Variants in CAMTA1 observed in about 807,000 individuals in gnomAD.
CAMTA1 encodes calmodulin binding transcription activator 1.
A neutral mutation model predicts 170.9 loss-of-function variants in CAMTA1; 27 were observed. That is an observed-to-expected ratio of 0.16 (90% CI 0.12 to 0.22). CAMTA1 has a LOEUF of 0.22. CAMTA1 is among the 10% of genes least tolerant of loss of function. The pLI, the probability that CAMTA1 is intolerant of heterozygous loss-of-function variation, is 1.00. For synonymous variants in CAMTA1, 833 were observed against 891.5 expected (o/e 0.93, Z 1.17); for missense variants, 1,619 against 2,217.2 (o/e 0.73, Z 5.42).
At chr1:6,958,424 G>A (rs1689831111) in intron 3 of CAMTA1, among the ~76,000 whole-genome samples, 5 of 151,988 alleles carry the variant, frequency 3.3e-5, no homozygotes, top group South Asian at 4.2e-4. Context: ...CCAGCCTGGC[G>A]GAGAGGCAGC....
At position 7,647,279 on chromosome 1, in the gene CAMTA1, G is replaced by GT. The variant is rs1553233076; in HGVS notation, c.664+6726_664+6727insT. Among the ~76,000 whole-genome samples, 4 of 22,294 alleles carry GT rather than the reference G, an allele frequency of 1.8e-4. No individual in the cohort carries two copies. The East Asian group carries it at 2.5e-3, about 14-fold the overall frequency. The allele number at this position is 22,294 out of a possible 152,430, so 14.6% of individuals were successfully genotyped here. On this transcript the variant is annotated intron_variant, in intron 7 of 22. Coordinates refer to ENST00000303635, the MANE Select transcript of CAMTA1 (RefSeq NM_015215.4). Reference sequence around the variant, plus strand: ...TCAGACAAAGACCAAAGATCCAGAAGGGGGGGGGGCTGTGTTTATTTGTTT... The same window carrying GT: ...TCAGACAAAGACCAAAGATCCAGAAGTGGGGGGGGGCTGTGTTTATTTGTTT...
chr1:7,308,561 C>A (rs1441346313), intron 5 of CAMTA1, among the ~76,000 whole-genome samples: 2 of 151,996 alleles, frequency 1.3e-5, no homozygotes, highest in African/African-American at 2.4e-5. Context: ...ATTGTTTGAT[C>A]AGTTAAAAAT....
intron 11 of CAMTA1, among the ~76,000 whole-genome samples, chr1:7,715,287 T>C (rs923605388): frequency 1.1e-4 from 17 of 152,280 alleles, no homozygotes; most frequent in African/African-American, 4.1e-4. Flanking sequence ...TCAGAAACAG[T>C]GCACAGTGCC....
chr1:7,462,025 A>G (rs999567704), intron 5 of CAMTA1, among the ~76,000 whole-genome samples: 2 of 152,242 alleles, frequency 1.3e-5, no homozygotes, highest in Non-Finnish European at 2.9e-5. Flanking sequence ...AGTGATTTAA[A>G]ATTGGGAATT....
At chr1:6,907,975 A>C (rs1678908783) in intron 3 of CAMTA1, among the ~76,000 whole-genome samples, 2 of 152,112 alleles carry the variant, frequency 1.3e-5, no homozygotes, top group South Asian at 4.1e-4. Context: ...CTCCCTCGCC[A>C]GCCTCGTGGC....
chr1:7,485,646 C>T (rs577336920), intron 6 of CAMTA1, among the ~76,000 whole-genome samples: 1 of 152,214 alleles, frequency 6.6e-6, no homozygotes, highest in South Asian at 2.1e-4. Context: ...GAGCCCCTCC[C>T]ACTGAGTCAC....
Position 7,499,318 on chromosome 1 carries a change from G to GTA in CAMTA1, c.510+31417_510+31418insTA, listed in dbSNP as rs202191742. ...CGTGTGTATGTATATGAGTGTGTGT[G>GTA]CATGTGTGTACATGTGTGTAGAGAG... On this transcript the variant is annotated intron_variant, in intron 6 of 22. Coordinates refer to ENST00000303635, the MANE Select transcript of CAMTA1 (RefSeq NM_015215.4). 5.0e-5 allele frequency among the ~76,000 whole-genome samples: 7 copies of GTA among 140,872 alleles called. 2 individuals are homozygous for GTA. Among genetic ancestry groups the GTA allele is most frequent in the Non-Finnish European group, 1.1e-4 (7 of 65,302 alleles). The allele number at this position is 140,872 out of a possible 152,430, so 92.4% of individuals were successfully genotyped here.
chr1:6,987,983 C>G (rs1317016), intron 3 of CAMTA1, among the ~76,000 whole-genome samples: 18,932 of 152,168 alleles, frequency 0.12, 1,281 homozygotes, highest in East Asian at 0.2. Context: ...GACTCCAGCA[C>G]CAGACCAGCA....
In CAMTA1 at chr1:7,224,656, G is replaced by T. The variant is rs1024064399; in HGVS notation, c.303-24835G>T. Among the ~76,000 whole-genome samples the T allele has an allele frequency of 1.3e-5, 2 of 151,976 alleles. No individual in the cohort carries two copies. Among genetic ancestry groups the T allele is most frequent in the African/African-American group, 4.8e-5 (2 of 41,380 alleles). On this transcript the variant is annotated intron_variant, in intron 4 of 22. Transcript: ENST00000303635. This position sits in a 1 kb window ranked among gnomAD's most constrained non-coding sequence, Gnocchi z 5.2. Reference sequence around the variant, plus strand: ...CCCAGGTTGGAGGCGTGACACCCGCGCCTCTCCGCTGGTGTCATTGATTGC... The same window carrying T: ...CCCAGGTTGGAGGCGTGACACCCGCTCCTCTCCGCTGGTGTCATTGATTGC...
chr1:7,703,511 C>T (rs963222493), intron 11 of CAMTA1, among the ~76,000 whole-genome samples: 2 of 152,094 alleles, frequency 1.3e-5, no homozygotes, highest in Admixed American at 6.5e-5. Context: ...TTCACGCGGC[C>T]TCTAACCAGC....
At chr1:7,442,028 C>T (rs1048303582) in intron 5 of CAMTA1, among the ~76,000 whole-genome samples, 3 of 152,090 alleles carry the variant, frequency 2.0e-5, no homozygotes, top group African/African-American at 7.2e-5. Context: ...CTTCTGGGGG[C>T]CCCAGGACTT....
chr1:6,868,357 G>A (rs1227930433), intron 3 of CAMTA1, among the ~76,000 whole-genome samples: 1 of 145,290 alleles, frequency 6.9e-6, no homozygotes, highest in African/African-American at 2.6e-5. Context: ...AACAAAAAAC[G>A]ACTGTATAGG....
chr1:7,736,881 CT>C lies in CAMTA1; in HGVS notation c.3264-46del. The C allele has an allele frequency of 7.1e-7, 1 of 1,417,242 alleles. No individual in the cohort carries two copies. Among genetic ancestry groups the C allele is most frequent in the Non-Finnish European group, 9.9e-7 (1 of 1,011,264 alleles). 87.8% of individuals were successfully genotyped at this position (1,417,242 alleles called of 1,614,324 possible). ...GGGTTTTATAATATTCTGGTGTTTCCTTTTAACGGTGGTGAATAGTGTGGTA... is the reference window on the plus strand; with the variant it reads ...GGGTTTTATAATATTCTGGTGTTTCCTTTAACGGTGGTGAATAGTGTGGTA... On this transcript the variant is annotated intron_variant, in intron 13 of 22. Coordinates refer to ENST00000303635, the MANE Select transcript of CAMTA1 (RefSeq NM_015215.4). This position sits in a 1 kb window ranked among gnomAD's most constrained non-coding sequence, Gnocchi z 4.5.
chr1:7,199,228 C>T (rs1334040112), intron 4 of CAMTA1, among the ~76,000 whole-genome samples: 2 of 152,238 alleles, frequency 1.3e-5, no homozygotes, highest in African/African-American at 2.4e-5. Context: ...CACGCCTCCA[C>T]CCGCTGGGCA....
rs1297325165 is a variant in CAMTA1 at position 7,113,511 on chromosome 1, G to A, written c.302+22140G>A. Among the ~76,000 whole-genome samples, 1 of 152,208 alleles carries A rather than the reference G, an allele frequency of 6.6e-6. No individual in the cohort carries two copies. The highest frequency in any genetic ancestry group is 1.5e-5 in the Non-Finnish European group (1 of 68,046). ...TCTAGGAATGGAGAGGGAGGAAGGA[G>A]GGTCTCGGGCAAGACCTCCCCCAAC... On this transcript the variant is annotated intron_variant, in intron 4 of 22. Transcript: ENST00000303635. The surrounding 1 kb of genome is among the most constrained non-coding windows in gnomAD (Gnocchi z 4.5).
chr1:7,128,980 C>T lies in CAMTA1; in HGVS notation c.302+37609C>T, dbSNP rs1645094324. The stretch of plus-strand genomic sequence containing the variant: ...TCAGCCTCCCGAGTAGCTGGGATTA[C>T]AGGCATGTTTCATTATGCCCAGCTA... On this transcript the variant is annotated intron_variant, in intron 4 of 22. Coordinates refer to ENST00000303635, the MANE Select transcript of CAMTA1 (RefSeq NM_015215.4). Among the ~76,000 whole-genome samples, 4 of 152,052 alleles carry T rather than the reference C, an allele frequency of 2.6e-5. No individual in the cohort carries two copies. In the South Asian group the frequency reaches 8.3e-4, roughly 32 times the overall value.
chr1:7,634,767 C>T lies in CAMTA1; in HGVS notation c.511-5633C>T, dbSNP rs1003242301. Among the ~76,000 whole-genome samples, 5 of 152,088 alleles carry T rather than the reference C, an allele frequency of 3.3e-5. No homozygotes were observed. In the East Asian group the frequency reaches 5.8e-4, roughly 18 times the overall value. On this transcript the variant is annotated intron_variant, in intron 6 of 22. Coordinates refer to ENST00000303635, the MANE Select transcript of CAMTA1 (RefSeq NM_015215.4). This position sits in a 1 kb window ranked among gnomAD's most constrained non-coding sequence, Gnocchi z 6.2. ...ACTCTGCTCACCCTCTCAGGAAGCACGTCAGGGCTTTTTTCTGTCTGGGTT... is the reference window on the plus strand; with the variant it reads ...ACTCTGCTCACCCTCTCAGGAAGCATGTCAGGGCTTTTTTCTGTCTGGGTT...
At chr1:7,707,665 G>A (rs1460877590) in intron 11 of CAMTA1, among the ~76,000 whole-genome samples, 3 of 152,170 alleles carry the variant, frequency 2.0e-5, no homozygotes, top group East Asian at 3.9e-4. Context: ...GCGTGATGGT[G>A]GGAGAAGTCC....
chr1:7,042,039 G>C (rs1704538947), intron 3 of CAMTA1, among the ~76,000 whole-genome samples: 1 of 152,158 alleles, frequency 6.6e-6, no homozygotes, highest in African/African-American at 2.4e-5. Flanking sequence ...AATGTCTTGA[G>C]AGTGTCCTTG....
Sources: gnomAD v4.1 joint callset for allele counts (sites outside exome capture counted in the v4.1 genomes callset) on GRCh38, gnomAD v4.1.1 for gene constraint, Gnocchi (gnomAD v3.1) non-coding constraint, MANE v1.5 for transcripts, NCBI Gene and HGNC (gene_info 2026-07-23, HGNC 2026-07-21) for gene names.